The following VPS36 variants were observed in gnomAD, a reference collection of about 807,000 sequenced individuals.
VPS36 encodes the protein vacuolar protein sorting 36 homolog.
In VPS36, 31 loss-of-function variants were observed where a neutral mutation model predicts 63.5. That is an observed-to-expected ratio of 0.49 (90% CI 0.37 to 0.66). The LOEUF (loss-of-function observed/expected upper bound fraction) is 0.66, where lower values mean the gene tolerates loss of function less well. VPS36 is among the 30% of genes least tolerant of loss of function. The probability of loss-of-function intolerance (pLI) is 0.00; values close to 1 mark genes in which losing one functional copy is unlikely to be tolerated. For synonymous variants in VPS36, 138 were observed against 157.2 expected (o/e 0.88, Z 0.91); for missense variants, 338 against 463.7 (o/e 0.73, Z 2.49).
In VPS36 at chr13:52,415,888, C is replaced by T. The variant is rs368445598; in HGVS notation, c.1103G>A (p.Arg368His). The change falls in exon 14 of 14, where the codon CGT (arginine) becomes CAT (histidine). Residue 368 changes from arginine (R) to histidine (H), a missense_variant. By Grantham distance (29) the Arg-to-His change is conservative (BLOSUM62 0). Transcript: ENST00000378060. Reference protein sequence around the residue: ...LLAEKMGHLCRDDSVEGLRFY... With the variant: ...LLAEKMGHLCHDDSVEGLRFY... ...ACGCAGGCCTTCCACTGAGTCATCA[C>T]GGCAAAGATGGCCCATCTTCTCTGC... is the stretch of plus-strand genomic sequence containing the variant. The T allele has an allele frequency of 5.0e-6, 8 of 1,613,836 alleles. No individual in the cohort carries two copies. Among genetic ancestry groups the T allele is most frequent in the South Asian group, 2.2e-5 (2 of 91,076 alleles).
chr13:52,422,476 A>G (rs1263102266), intron 10 of VPS36, among the ~76,000 whole-genome samples: 3 of 152,194 alleles, frequency 2.0e-5, no homozygotes, highest in African/African-American at 7.2e-5. Flanking sequence ...GGTTTGCTGT[A>G]CAGATTATTT....
intron 2 of VPS36, 31 bp from the exon 3 acceptor site, chr13:52,439,199 A>T: frequency 6.3e-7 from 1 of 1,593,294 alleles, no homozygotes; most frequent in Non-Finnish European, 8.6e-7. Flanking sequence ...TAAATGAAAG[A>T]CTCTAAACAA....
chr13:52,436,480 A>C (rs929097634), intron 3 of VPS36, 76 bp from the exon 4 acceptor site: 1 of 1,043,788 alleles, frequency 9.6e-7, no homozygotes, highest in Non-Finnish European at 1.4e-6. Context: ...ATAACTTTTT[A>C]TGTATTTCAA....
intron 1 of VPS36, among the ~76,000 whole-genome samples, chr13:52,446,685 G>C (rs192642261): frequency 1.3e-5 from 2 of 151,520 alleles, no homozygotes; most frequent in Non-Finnish European, 2.9e-5. Flanking sequence ...AAAATATTTA[G>C]AGCCTGAAAA....
intron 1 of VPS36, among the ~76,000 whole-genome samples, chr13:52,444,716 G>C (rs1958320502): frequency 6.6e-6 from 1 of 151,452 alleles, no homozygotes. Context: ...AATATATATA[G>C]CATGACTCCA....
At chr13:52,439,047 A>G (rs767166488) in intron 3 of VPS36, 51 bp downstream of exon 3, 17 of 1,550,228 alleles carry the variant, frequency 1.1e-5, no homozygotes, top group Admixed American at 3.4e-5. Context: ...GGCCAATAGC[A>G]TAACAGGAAA....
intron 2 of VPS36, among the ~76,000 whole-genome samples, chr13:52,440,268 CTG>C (rs1245355449): frequency 1.3e-5 from 2 of 152,122 alleles, no homozygotes; most frequent in Non-Finnish European, 2.9e-5. Context: ...GCATGAGCCA[CTG>C]TGTCTAGCCA....
At chr13:52,423,003 A>G (rs1335035028) in intron 10 of VPS36, among the ~76,000 whole-genome samples, 1 of 152,140 alleles carries the variant, frequency 6.6e-6, no homozygotes, top group Non-Finnish European at 1.5e-5. Flanking sequence ...GGTTTTAAAA[A>G]TAGGAGTTGC....
Position 52,423,615 on chromosome 13 carries a change from T to C in VPS36, c.799A>G (p.Thr267Ala). The change falls in exon 10 of 14, where the codon ACG becomes GCG. Residue 267 changes from threonine to alanine, a missense_variant. Physicochemically the swap from Thr to Ala is moderately conservative, Grantham distance 58 (BLOSUM62 0). Transcript: ENST00000378060. ...CGGTTTACTAAGCAGTACACCTCCGTGAGTGACATTATTCCCCCTCGTTCC... is the reference window on the plus strand; with the variant it reads ...CGGTTTACTAAGCAGTACACCTCCGCGAGTGACATTATTCCCCCTCGTTCC... ...LEERGGIMSLTEVYCLVNRAR... is the reference protein window; with the variant it reads ...LEERGGIMSLAEVYCLVNRAR... The C allele has an allele frequency of 1.9e-6, 3 of 1,611,712 alleles. No individual in the cohort carries two copies. Among genetic ancestry groups the C allele is most frequent in the Non-Finnish European group, 2.5e-6 (3 of 1,178,988 alleles).
intron 3 of VPS36, among the ~76,000 whole-genome samples, chr13:52,438,892 A>C (rs975450139): frequency 2.6e-5 from 4 of 152,262 alleles, no homozygotes; most frequent in African/African-American, 9.6e-5. Context: ...ATGTGAAAGC[A>C]AAGTGTCTAC....
chr13:52,430,882 T>C (rs533610256), intron 6 of VPS36, among the ~76,000 whole-genome samples: 2 of 150,896 alleles, frequency 1.3e-5, no homozygotes, highest in South Asian at 4.2e-4. Flanking sequence ...TAGCAACACT[T>C]CATGCCAGAC....
chr13:52,431,762 C>CG (rs1958160511), intron 6 of VPS36, among the ~76,000 whole-genome samples: 1 of 68,088 alleles, frequency 1.5e-5, no homozygotes, highest in South Asian at 4.9e-4. Flanking sequence ...GACTCTGTCT[C>CG]AAAAAAAAAA....
chr13:52,420,730 G>T (rs924870009), intron 10 of VPS36, among the ~76,000 whole-genome samples: 6 of 152,190 alleles, frequency 3.9e-5, no homozygotes, highest in Admixed American at 3.3e-4. Context: ...CAATTTCCCT[G>T]ATTTGGTCAT....
At position 52,414,659 on chromosome 13, in the gene VPS36, A is replaced by G. The variant is rs1168583125; in HGVS notation, c.*1171T>C. ...CTTCCTGGTCCCAAGGGTGCTCCCAATACAATACTTTCCCTCCCGCAGGCT... is the reference window on the plus strand; with the variant it reads ...CTTCCTGGTCCCAAGGGTGCTCCCAGTACAATACTTTCCCTCCCGCAGGCT... On this transcript the variant is annotated 3_prime_UTR_variant, in exon 14 of 14. Coordinates refer to ENST00000378060, the MANE Select transcript of VPS36 (RefSeq NM_016075.4). The G allele has an allele frequency of 6.6e-6, 1 of 152,222 alleles. No individual in the cohort carries two copies. Among genetic ancestry groups the G allele is most frequent in the African/African-American group, 2.4e-5 (1 of 41,438 alleles). 9.4% of individuals were successfully genotyped at this position (152,222 alleles called of 1,614,324 possible).
intron 4 of VPS36, 36 bp downstream of exon 4, chr13:52,436,253 AC>A: frequency 7.1e-7 from 1 of 1,401,806 alleles, no homozygotes; most frequent in Non-Finnish European, 1.0e-6. Context: ...ACACACACAC[AC>A]CTTTCTAGTA....
intron 3 of VPS36, 80 bp from the exon 4 acceptor site, chr13:52,436,484 A>C: frequency 1.0e-6 from 1 of 997,316 alleles, no homozygotes; most frequent in Admixed American, 2.4e-5. Flanking sequence ...CTTTTTATGT[A>C]TTTCAAATCA....
chr13:52,429,192 G>A, intron 6 of VPS36: 2 of 922,772 alleles, frequency 2.2e-6, no homozygotes, highest in South Asian at 1.0e-4. Context: ...TTTAAAACCA[G>A]GAGTACCCCC....
In VPS36 at chr13:52,418,070, A is replaced by G; in HGVS notation, c.841-14T>C. ...TGGTGAGAGCAACTAATAGGGAAAAAAAATCCAGTAATGCTATACAATGGT... is the reference window on the plus strand; with the variant it reads ...TGGTGAGAGCAACTAATAGGGAAAAGAAATCCAGTAATGCTATACAATGGT... On this transcript the variant is annotated splice_polypyrimidine_tract_variant and intron_variant, in intron 10 of 13. Transcript: ENST00000378060. The G allele has an allele frequency of 1.2e-6, 2 of 1,607,684 alleles. No homozygotes were observed. The highest frequency in any genetic ancestry group is 1.7e-6 in the Non-Finnish European group (2 of 1,175,782).
At chr13:52,434,041 C>T (rs1369580060) in intron 5 of VPS36, among the ~76,000 whole-genome samples, 2 of 152,122 alleles carry the variant, frequency 1.3e-5, no homozygotes, top group African/African-American at 2.4e-5. Context: ...CAAGCTATTA[C>T]GTATCAGATA....
Sources: allele counts gnomAD v4.1 joint callset (sites outside exome capture counted in the v4.1 genomes callset), GRCh38; gene constraint gnomAD v4.1.1; transcripts MANE v1.5; gene names NCBI Gene and HGNC (gene_info 2026-07-23, HGNC 2026-07-21).